Variants in IMPG1 observed in about 807,000 individuals in gnomAD.
The protein encoded by IMPG1 is interphotoreceptor matrix proteoglycan 1.
IMPG1 carries 85 observed loss-of-function variants against 92.0 expected under a neutral mutation model. The ratio of observed to expected loss-of-function variants is 0.92; its 90% CI spans 0.78 to 1.11. The LOEUF is 1.11. Among genes scored for constraint, IMPG1 ranks in the 50% least tolerant of loss-of-function variants. The probability of loss-of-function intolerance (pLI) is 0.00; values close to 1 mark genes in which losing one functional copy is unlikely to be tolerated. For missense variants in IMPG1, 1,022 were observed against 956.0 expected (o/e 1.07, Z -0.91); for synonymous variants, 367 against 334.1 (o/e 1.10, Z -1.08).
At chr6:75,994,353 C>T (rs1048415284) in intron 12 of IMPG1, among the ~76,000 whole-genome samples, 5 of 152,112 alleles carry the variant, frequency 3.3e-5, no homozygotes, top group African/African-American at 1.2e-4. Context: ...AGAATCATTC[C>T]ATTTACCTAT....
At chr6:76,016,186 T>C (rs1460646267) in intron 7 of IMPG1, among the ~76,000 whole-genome samples, 1 of 152,224 alleles carries the variant, frequency 6.6e-6, no homozygotes, top group African/African-American at 2.4e-5. Context: ...CTACAATTTC[T>C]AAGCAAGGAA....
intron 12 of IMPG1, among the ~76,000 whole-genome samples, chr6:75,971,955 A>T (rs887939467): frequency 3.9e-5 from 6 of 152,238 alleles, no homozygotes; most frequent in African/African-American, 1.4e-4. Flanking sequence ...GTAATATCTT[A>T]CTTGGTTCCT....
At chr6:76,036,257 T>G (rs1169764906) in intron 2 of IMPG1, among the ~76,000 whole-genome samples, 5 of 152,200 alleles carry the variant, frequency 3.3e-5, no homozygotes, top group African/African-American at 4.8e-5. Flanking sequence ...TAATTGTATA[T>G]GAACAATTAG....
intron 14 of IMPG1, among the ~76,000 whole-genome samples, chr6:75,943,886 G>A (rs1781877115): frequency 1.3e-5 from 2 of 152,198 alleles, no homozygotes; most frequent in South Asian, 4.1e-4. Flanking sequence ...TAGGAAGTCT[G>A]GCACAACAGA....
intron 7 of IMPG1, among the ~76,000 whole-genome samples, chr6:76,017,458 AT>A (rs1471489901): frequency 6.6e-6 from 1 of 152,206 alleles, no homozygotes; most frequent in East Asian, 1.9e-4. Flanking sequence ...AAAAATAGAA[AT>A]ATTATATAAA....
chr6:75,941,358 T>C (rs1781833867), intron 14 of IMPG1, among the ~76,000 whole-genome samples: 1 of 152,262 alleles, frequency 6.6e-6, no homozygotes, highest in African/African-American at 2.4e-5. Flanking sequence ...AAAAGTTGAC[T>C]GTGTGACCTT....
rs560230385 is a variant in IMPG1 at position 75,926,305 on chromosome 6, C to T, written c.2244-2599G>A. Among the ~76,000 whole-genome samples the T allele has an allele frequency of 2.8e-3, 422 of 152,294 alleles. 2 individuals are homozygous for T. Among genetic ancestry groups the T allele is most frequent in the African/African-American group, 9.3e-3 (388 of 41,556 alleles). On this transcript the variant is annotated intron_variant, in intron 15 of 16. Transcript: ENST00000369950. ...GACTATATAAAATTCCAACCCCTTCCTCCTACAAACCTCCCCCGTAACCGA... is the reference window on the plus strand; with the variant it reads ...GACTATATAAAATTCCAACCCCTTCTTCCTACAAACCTCCCCCGTAACCGA...
At chr6:75,926,962 C>G (rs75286257) in intron 15 of IMPG1, among the ~76,000 whole-genome samples, 1 of 152,196 alleles carries the variant, frequency 6.6e-6, no homozygotes, top group Non-Finnish European at 1.5e-5. Context: ...CACCTGCCTT[C>G]AGTATCATTT....
chr6:76,010,326 C>A (rs763924521), intron 8 of IMPG1, among the ~76,000 whole-genome samples: 7 of 152,198 alleles, frequency 4.6e-5, no homozygotes, highest in Non-Finnish European at 1.0e-4. Context: ...CTGTTCATAC[C>A]AGGGCTGATA....
rs1172206211 is a variant in IMPG1, at chr6:75,921,924, A to G, written c.*165T>C. 2.1e-6 allele frequency: 1 copy of G among 472,598 alleles called. No individual in the cohort carries two copies. Among genetic ancestry groups the G allele is most frequent in the Non-Finnish European group, 3.8e-6 (1 of 264,332 alleles). 29.3% of individuals were successfully genotyped at this position (472,598 alleles called of 1,614,324 possible). On this transcript the variant is annotated 3_prime_UTR_variant, in exon 17 of 17. Transcript: ENST00000369950. ...TTTTCTTCAGAATTTACTGGTTGCC[A>G]AGTACATGACTCTTCTATATTTGAA...
chr6:75,977,720 T>C (rs1243365048), intron 12 of IMPG1, among the ~76,000 whole-genome samples: 1 of 150,934 alleles, frequency 6.6e-6, no homozygotes, highest in Non-Finnish European at 1.5e-5. Flanking sequence ...TTTGAAGTGT[T>C]ATTATTTTCC....
intron 6 of IMPG1, among the ~76,000 whole-genome samples, chr6:76,020,866 T>G (rs1783411074): frequency 6.6e-6 from 1 of 152,188 alleles, no homozygotes; most frequent in African/African-American, 2.4e-5. Flanking sequence ...GGCATAACAT[T>G]ATGTGACAAA....
intron 12 of IMPG1, among the ~76,000 whole-genome samples, chr6:75,991,894 G>A (rs561641425): frequency 6.6e-6 from 1 of 152,144 alleles, no homozygotes; most frequent in Admixed American, 6.5e-5. Flanking sequence ...GTTTTTTTCC[G>A]ACTGTGCTGA....
chr6:76,039,378 C>T (rs749396503), intron 2 of IMPG1, among the ~76,000 whole-genome samples: 100 of 138,914 alleles, frequency 7.2e-4, no homozygotes, highest in African/African-American at 2.1e-3. Context: ...TTTTTTGGGA[C>T]GGAGTCTCAC....
chr6:76,021,480 G>A (rs114887005), intron 6 of IMPG1, among the ~76,000 whole-genome samples: 4,557 of 151,950 alleles, frequency 0.03, 228 homozygotes, highest in African/African-American at 0.1. Flanking sequence ...ACAATTTGTC[G>A]ACAATGAGGA....
rs1158491274 is a variant in IMPG1 at position 76,005,411 on chromosome 6, A to G, written c.1011T>C (p.His337=). 6 of 1,613,932 alleles carry G rather than the reference A, an allele frequency of 3.7e-6. No individual in the cohort carries two copies. In the African/African-American group the frequency reaches 6.7e-5, roughly 18 times the overall value. The change falls in exon 10 of 17, where the codon CAT becomes CAC. Residue 337 remains histidine (H), a synonymous_variant. Transcript: ENST00000369950. The part of the protein sequence containing the change: ...SNKIESEEVY[H]GTMEEDKQPE... ...GTTGCTTGTCCTCCTCCATGGTTCC[A>G]TGATAGACTTCCTCACTTTCAATTT...
intron 1 of IMPG1, among the ~76,000 whole-genome samples, chr6:76,054,792 G>C (rs1039469387): frequency 6.6e-6 from 1 of 152,068 alleles, no homozygotes; most frequent in African/African-American, 2.4e-5. Flanking sequence ...GTACAAGCCA[G>C]TTCCAGCAAA....
chr6:75,957,731 G>T (rs1457996382), intron 12 of IMPG1, among the ~76,000 whole-genome samples: 1 of 152,140 alleles, frequency 6.6e-6, no homozygotes, highest in Non-Finnish European at 1.5e-5. Context: ...TGCAACCTCT[G>T]CTTTGTTTTT....
intron 15 of IMPG1, chr6:75,928,542 A>T (rs1781602674): frequency 1.3e-5 from 2 of 152,018 alleles, no homozygotes; most frequent in Non-Finnish European, 2.9e-5. Context: ...AATTCTCTCA[A>T]CTGATTGTTT....
Sources: gnomAD v4.1 joint callset for allele counts (sites outside exome capture counted in the v4.1 genomes callset) on GRCh38, gnomAD v4.1.1 for gene constraint, MANE v1.5 for transcripts, NCBI Gene and HGNC (gene_info 2026-07-23, HGNC 2026-07-21) for gene names.